The following SLIT3 variants were observed in gnomAD, a reference collection of about 807,000 sequenced individuals.
The protein encoded by SLIT3 is slit homolog 3 protein.
A neutral mutation model predicts 184.0 loss-of-function variants in SLIT3; 68 were observed. That is an observed-to-expected ratio of 0.37 (90% CI 0.30 to 0.45). SLIT3 has a LOEUF of 0.45. Ranked by LOEUF, SLIT3 falls within the 20% of genes least tolerant of loss-of-function variation. The pLI is 1.00. For synonymous variants in SLIT3, 831 were observed against 828.6 expected (o/e 1.00, Z -0.05); for missense variants, 1,707 against 2,026.0 (o/e 0.84, Z 3.02).
At chr5:168,878,160 T>C (rs899977147) in intron 5 of SLIT3, among the ~76,000 whole-genome samples, 2 of 152,216 alleles carry the variant, frequency 1.3e-5, no homozygotes, top group South Asian at 2.1e-4. Flanking sequence ...TCGAACCGCC[T>C]GTCTCTCTTT....
At chr5:168,761,117 G>A (rs1466010976) in intron 15 of SLIT3, among the ~76,000 whole-genome samples, 181 bp from the exon 16 acceptor site, 2 of 152,324 alleles carry the variant, frequency 1.3e-5, no homozygotes, top group East Asian at 3.9e-4. Context: ...GGCATATGCA[G>A]TGCTGCTTCC....
intron 4 of SLIT3, among the ~76,000 whole-genome samples, chr5:169,011,946 CTTT>C (rs35743496): frequency 2.1e-5 from 3 of 140,638 alleles, no homozygotes; most frequent in African/African-American, 2.6e-5. Flanking sequence ...TTCTTTCTTG[CTTT>C]TTTTTTTTTT....
chr5:168,909,949 T>C (rs1483253571), intron 4 of SLIT3, among the ~76,000 whole-genome samples: 1 of 152,236 alleles, frequency 6.6e-6, no homozygotes, highest in Non-Finnish European at 1.5e-5. Flanking sequence ...CCTTCCTTTT[T>C]GCACAACCTG....
intron 9 of SLIT3, 65 bp downstream of exon 9, chr5:168,806,381 G>A: frequency 6.3e-7 from 1 of 1,583,758 alleles, no homozygotes; most frequent in African/African-American, 1.3e-5. Context: ...AGTGGGTGAT[G>A]GGCTGGGACA....
chr5:168,797,680 A>G (rs1365311442), intron 9 of SLIT3, among the ~76,000 whole-genome samples: 1 of 152,206 alleles, frequency 6.6e-6, no homozygotes, highest in East Asian at 1.9e-4. Context: ...TATTGCTACC[A>G]TAATAAACAT....
At chr5:169,140,705 G>A (rs550147045) in intron 4 of SLIT3, among the ~76,000 whole-genome samples, 60 of 152,126 alleles carry the variant, frequency 3.9e-4, no homozygotes, top group African/African-American at 1.4e-3. Context: ...AGGAGGCTGA[G>A]GGGAGAATCT....
intron 4 of SLIT3, among the ~76,000 whole-genome samples, chr5:169,083,919 C>G (rs1175173739): frequency 6.6e-6 from 1 of 152,206 alleles, no homozygotes; most frequent in Non-Finnish European, 1.5e-5. Context: ...GCTTGCCTTT[C>G]TTAGTAAACC....
chr5:169,108,782 C>T (rs777582862), intron 4 of SLIT3, among the ~76,000 whole-genome samples: 30 of 152,194 alleles, frequency 2.0e-4, no homozygotes, highest in Non-Finnish European at 3.1e-4. Context: ...AATGGAGAAG[C>T]TCCAAGAGGG....
intron 23 of SLIT3, chr5:168,719,863 A>G (rs540501239): frequency 8.5e-5 from 13 of 152,272 alleles, no homozygotes; most frequent in Non-Finnish European, 1.2e-4. Flanking sequence ...ATCCCTTTTT[A>G]TGCACAAGAT....
intron 4 of SLIT3, among the ~76,000 whole-genome samples, chr5:168,930,732 G>A (rs529602697): frequency 2.0e-5 from 3 of 152,066 alleles, no homozygotes; most frequent in Non-Finnish European, 4.4e-5. Flanking sequence ...AGAGCGCTTG[G>A]CAGCTGACAC....
At chr5:168,684,240 G>T in intron 31 of SLIT3, 144 bp from the exon 32 acceptor site, 1 of 865,022 alleles carries the variant, frequency 1.2e-6, no homozygotes, top group Non-Finnish European at 1.7e-6. Context: ...CCTCCATCTA[G>T]TCAGTAAATC....
At chr5:169,069,106 TCA>T (rs1758453448) in intron 4 of SLIT3, among the ~76,000 whole-genome samples, 1 of 152,174 alleles carries the variant, frequency 6.6e-6, no homozygotes, top group African/African-American at 2.4e-5. Context: ...GCAAATTATC[TCA>T]GTTAATCCTT....
chr5:169,024,210 G>A (rs1414812507), intron 4 of SLIT3: 2 of 152,310 alleles, frequency 1.3e-5, no homozygotes, highest in East Asian at 3.9e-4. Context: ...GAGACTGCAA[G>A]ATGGCCAGTC....
At chr5:168,759,579 C>T (rs897636248) in intron 16 of SLIT3, among the ~76,000 whole-genome samples, 23 of 152,140 alleles carry the variant, frequency 1.5e-4, no homozygotes, top group African/African-American at 4.6e-4. Context: ...CTGAATATAA[C>T]GCAAAAGGAC....
chr5:169,134,052 AT>A (rs1761406603), intron 4 of SLIT3, among the ~76,000 whole-genome samples: 1 of 152,208 alleles, frequency 6.6e-6, no homozygotes, highest in African/African-American at 2.4e-5. Context: ...GGTTTTCTAA[AT>A]GTGCAAAGCT....
chr5:169,031,663 C>A (rs1757030807), intron 4 of SLIT3, among the ~76,000 whole-genome samples: 2 of 152,158 alleles, frequency 1.3e-5, no homozygotes, highest in South Asian at 4.1e-4. Context: ...GCCCAGTGAG[C>A]AAGAACAGAG....
rs1756536257 is a variant in SLIT3, at chr5:168,795,541, C to T, written c.973G>A (p.Gly325Arg). 1.2e-6 allele frequency: 2 copies of T among 1,614,032 alleles called. No homozygotes were observed. Among genetic ancestry groups the T allele is most frequent in the Admixed American group, 1.7e-5 (1 of 60,026 alleles). ...AGTTTCTTGTACTGGGTGAAGGCTC[C>T]TGCAGGGATGGCTTTGATGGAGTTC... ...EQNSIKAIPA[G>R]AFTQYKKLKR... The change falls in exon 10 of 36, where the codon GGA (glycine) becomes AGA (arginine). Residue 325 changes from glycine to arginine, a missense_variant. Physicochemically the swap from Gly to Arg is moderately radical, Grantham distance 125. Transcript: ENST00000519560.
chr5:168,957,628 G>C (rs994776666), intron 4 of SLIT3, among the ~76,000 whole-genome samples: 5 of 152,218 alleles, frequency 3.3e-5, no homozygotes, highest in African/African-American at 1.2e-4. Context: ...AAGCCTGGTT[G>C]TGTCTCAGAA....
At chr5:169,153,435 T>C (rs569587951) in intron 4 of SLIT3, among the ~76,000 whole-genome samples, 11 of 152,378 alleles carry the variant, frequency 7.2e-5, no homozygotes, top group Non-Finnish European at 1.2e-4. Context: ...TTAACAAATA[T>C]TACAACCTGT....
Sources: gnomAD v4.1 joint callset for allele counts (sites outside exome capture counted in the v4.1 genomes callset) on GRCh38, gnomAD v4.1.1 for gene constraint, MANE v1.5 for transcripts, NCBI Gene and HGNC (gene_info 2026-07-23, HGNC 2026-07-21) for gene names.